The following CNTN3 variants were observed in gnomAD, a reference collection of about 807,000 sequenced individuals.
CNTN3 encodes the protein contactin-3.
CNTN3 carries 60 observed loss-of-function variants against 119.1 expected under a neutral mutation model. The ratio of observed to expected loss-of-function variants is 0.50; its 90% CI spans 0.41 to 0.62. The LOEUF (loss-of-function observed/expected upper bound fraction) is 0.62. Among genes scored for constraint, CNTN3 ranks in the 20% least tolerant of loss-of-function variants. The pLI, the probability that CNTN3 is intolerant of heterozygous loss-of-function variation, is 0.00. For synonymous variants in CNTN3, 450 were observed against 438.7 expected (o/e 1.03, Z -0.32); for missense variants, 1,101 against 1,242.4 (o/e 0.89, Z 1.71).
At chr3:74,454,244 T>G (rs1172982538) in intron 4 of CNTN3, among the ~76,000 whole-genome samples, 3 of 134,122 alleles carry the variant, frequency 2.2e-5, no homozygotes, top group East Asian at 4.2e-4. Context: ...CTTGTTGAAT[T>G]GATCCCTTTA....
chr3:74,443,908 C>A (rs949215772), intron 4 of CNTN3, among the ~76,000 whole-genome samples: 14 of 151,808 alleles, frequency 9.2e-5, no homozygotes, highest in Admixed American at 5.3e-4. Context: ...TAAAAAAAAA[C>A]AGAAATGTAT....
intron 16 of CNTN3, among the ~76,000 whole-genome samples, 186 bp downstream of exon 16, chr3:74,301,212 A>G (rs899532179): frequency 6.6e-6 from 1 of 152,206 alleles, no homozygotes; most frequent in African/African-American, 2.4e-5. Flanking sequence ...GTCATACTAC[A>G]TCAGAGTCAC....
chr3:74,392,067 G>A (rs1170629385), intron 5 of CNTN3, among the ~76,000 whole-genome samples: 1 of 152,092 alleles, frequency 6.6e-6, no homozygotes, highest in Non-Finnish European at 1.5e-5. Context: ...GGAAAAATAT[G>A]AGAAGTGATG....
chr3:74,332,057 C>A (rs1434126059), intron 13 of CNTN3, among the ~76,000 whole-genome samples: 2 of 152,198 alleles, frequency 1.3e-5, no homozygotes, highest in African/African-American at 4.8e-5. Context: ...CTACCCCTAA[C>A]CTATTTTTAA....
In CNTN3 at chr3:74,359,388, T is replaced by C. The variant is rs116915338; in HGVS notation, c.1364+2502A>G. On this transcript the variant is annotated intron_variant, in intron 11 of 22. Transcript: ENST00000263665. ...GGAAGGATATATTATCTCTATATTA[T>C]GGAAGAGGAAACGGAGGTTCAGAGG... is the stretch of plus-strand genomic sequence containing the variant. Among the ~76,000 whole-genome samples, 489 of 152,300 alleles carry C rather than the reference T, an allele frequency of 3.2e-3. 8 individuals are homozygous for C. Among genetic ancestry groups the C allele is most frequent in the Admixed American group, 0.025 (381 of 15,298 alleles).
chr3:74,284,905 A>G (rs1702079215), intron 20 of CNTN3, among the ~76,000 whole-genome samples: 1 of 152,208 alleles, frequency 6.6e-6, no homozygotes, highest in Non-Finnish European at 1.5e-5. Context: ...TGGAGGAAAG[A>G]AAGATAAAGA....
chr3:74,491,862 A>C (rs1402166849), intron 3 of CNTN3, among the ~76,000 whole-genome samples: 5 of 152,188 alleles, frequency 3.3e-5, no homozygotes, highest in African/African-American at 9.6e-5. Context: ...TGAAATATGA[A>C]AATTATGTAA....
At chr3:74,428,964 G>A (rs1326954868) in intron 4 of CNTN3, among the ~76,000 whole-genome samples, 1 of 152,132 alleles carries the variant, frequency 6.6e-6, no homozygotes, top group Non-Finnish European at 1.5e-5. Context: ...CAGGTTTATA[G>A]CCTAGCAGCA....
chr3:74,441,991 C>T (rs1701974268), intron 4 of CNTN3, among the ~76,000 whole-genome samples: 1 of 152,024 alleles, frequency 6.6e-6, no homozygotes, highest in Non-Finnish European at 1.5e-5. Flanking sequence ...ATAACTATTA[C>T]ATACTGAGGT....
intron 13 of CNTN3, 71 bp from the exon 14 acceptor site, chr3:74,302,878 C>T (rs1702487371): frequency 4.3e-6 from 4 of 923,868 alleles, no homozygotes; most frequent in African/African-American, 3.3e-5. Flanking sequence ...AAGTCTATGG[C>T]CAAAAACAAC....
At chr3:74,592,474 A>AACAC (rs747459006) in intron 1 of CNTN3, among the ~76,000 whole-genome samples, 48 of 143,992 alleles carry the variant, frequency 3.3e-4, no homozygotes, top group Middle Eastern at 3.5e-3. Flanking sequence ...AACAGAATGA[A>AACAC]ACACACACAC....
chr3:74,428,733 C>T lies in CNTN3; in HGVS notation c.359-3793G>A, dbSNP rs150241835. ...TGAAGTCTACAGTAATGTACAGTAA[C>T]GTCCTAGGCCTTCACATTCACTCAC... is the stretch of plus-strand genomic sequence containing the variant. On this transcript the variant is annotated intron_variant, in intron 4 of 22. Coordinates refer to ENST00000263665, the MANE Select transcript of CNTN3 (RefSeq NM_020872.3). Among the ~76,000 whole-genome samples, 1,504 of 152,244 alleles carry T rather than the reference C, an allele frequency of 9.9e-3. 13 individuals are homozygous for T. Among genetic ancestry groups the T allele is most frequent in the Non-Finnish European group, 0.014 (925 of 68,004 alleles).
intron 11 of CNTN3, among the ~76,000 whole-genome samples, chr3:74,342,105 A>G (rs1303802505): frequency 6.6e-5 from 10 of 152,154 alleles, no homozygotes; most frequent in Non-Finnish European, 1.3e-4. Flanking sequence ...CTCACAATGC[A>G]TATATTACAG....
chr3:74,501,870 C>A (rs1363977516), intron 2 of CNTN3, among the ~76,000 whole-genome samples: 3 of 151,764 alleles, frequency 2.0e-5, no homozygotes, highest in Admixed American at 6.6e-5. Flanking sequence ...GCTACTAACA[C>A]TCCTAATTTA....
intron 1 of CNTN3, among the ~76,000 whole-genome samples, chr3:74,593,268 T>C (rs1467504608): frequency 6.6e-6 from 1 of 151,948 alleles, no homozygotes; most frequent in African/African-American, 2.4e-5. Flanking sequence ...GCCTCCTGAA[T>C]CATCTCTCTC....
intron 5 of CNTN3, among the ~76,000 whole-genome samples, chr3:74,373,010 T>C (rs1270871706): frequency 1.3e-5 from 2 of 152,214 alleles, no homozygotes; most frequent in Admixed American, 6.5e-5. Flanking sequence ...AATTGCAAAT[T>C]ATACAGACAT....
intron 1 of CNTN3, among the ~76,000 whole-genome samples, chr3:74,529,752 A>T (rs1703668371): frequency 6.6e-6 from 1 of 152,022 alleles, no homozygotes; most frequent in Non-Finnish European, 1.5e-5. Context: ...GTTGAATAGA[A>T]AAAGGTAAAT....
chr3:74,335,641 T>C (rs1270248051), intron 12 of CNTN3, among the ~76,000 whole-genome samples: 3 of 152,096 alleles, frequency 2.0e-5, no homozygotes, highest in African/African-American at 7.2e-5. Context: ...CAGATTTTGG[T>C]CCTCCCAACC....
rs1016604219 is a variant in CNTN3 at position 74,391,006 on chromosome 3, T to C, written c.455-19607A>G. Among the ~76,000 whole-genome samples, 3 of 152,248 alleles carry C rather than the reference T, an allele frequency of 2.0e-5. No homozygotes were observed. In the East Asian group the frequency reaches 5.8e-4, roughly 29 times the overall value. On this transcript the variant is annotated intron_variant, in intron 5 of 22. Coordinates refer to ENST00000263665, the MANE Select transcript of CNTN3 (RefSeq NM_020872.3). ...ATTTTTAGTCATGAATTACCAGAGATGTGTCTTACCGGAGGAATTAAACAC... is the reference window on the plus strand; with the variant it reads ...ATTTTTAGTCATGAATTACCAGAGACGTGTCTTACCGGAGGAATTAAACAC...
Sources: allele counts gnomAD v4.1 joint callset (sites outside exome capture counted in the v4.1 genomes callset), GRCh38; gene constraint gnomAD v4.1.1; transcripts MANE v1.5; gene names NCBI Gene and HGNC (gene_info 2026-07-23, HGNC 2026-07-21).